The following MOGS variants were observed in gnomAD, a reference collection of about 807,000 sequenced individuals.
MOGS encodes the protein mannosyl-oligosaccharide glucosidase.
Under a neutral mutation model 68.5 loss-of-function variants are expected in MOGS, and 45 were observed. The observed-to-expected ratio is 0.66, with a 90% CI of 0.52 to 0.84. The LOEUF (loss-of-function observed/expected upper bound fraction) is 0.84, where lower values mean the gene tolerates loss of function less well. Among genes scored for constraint, MOGS ranks in the 40% least tolerant of loss-of-function variants. MOGS has a pLI of 0.00. For missense variants in MOGS, 1,020 were observed against 1,095.0 expected (o/e 0.93, Z 0.97); for synonymous variants, 492 against 461.2 (o/e 1.07, Z -0.86).
chr2:74,461,519 T>G lies in MOGS; in HGVS notation c.2270A>C (p.Asn757Thr). The G allele has an allele frequency of 6.2e-7, 1 of 1,614,024 alleles. No homozygotes were observed. Among genetic ancestry groups the G allele is most frequent in the Non-Finnish European group, 8.5e-7 (1 of 1,179,946 alleles). ...TGCTCCCAAAGCCAGGTAGTTGACA[T>G]TGAGCCACACAGCACCCCGCCAGTA... is the stretch of plus-strand genomic sequence containing the variant. The part of the protein sequence containing the change: ...PPYWRGAVWL[N>T]VNYLALGALH... The change falls in exon 4 of 4, where the codon AAT becomes ACT. Residue 757 changes from asparagine (N) to threonine (T), a missense_variant. By Grantham distance (65) the Asn-to-Thr change is moderately conservative. Around this residue, in one of 3 missense-constraint regions of MOGS, gnomAD observed 270 missense variants for 261.3 expected, o/e 1.03. Coordinates refer to ENST00000448666, the MANE Select transcript of MOGS (RefSeq NM_006302.3).
chr2:74,464,710 G>A lies in MOGS; in HGVS notation c.365C>T (p.Ala122Val), dbSNP rs776749988. ...PKPLLTGLMW[A>V]QQGTTPGTPK... ...AGTCCCCGGGGTGGTGCCCTGCTGCGCCCACATCAGTCCTGGGGGTAGAAT... is the reference window on the plus strand; with the variant it reads ...AGTCCCCGGGGTGGTGCCCTGCTGCACCCACATCAGTCCTGGGGGTAGAAT... The change falls in exon 2 of 4, where the codon GCG (alanine) becomes GTG (valine). Residue 122 changes from alanine to valine, a missense_variant. Ala to Val is a moderately conservative substitution (Grantham distance 64). Around this residue, in one of 3 missense-constraint regions of MOGS, gnomAD observed 569 missense variants for 571.9 expected, o/e 0.99. Transcript: ENST00000448666. The A allele has an allele frequency of 6.2e-7, 1 of 1,612,676 alleles. No homozygotes were observed. Among genetic ancestry groups the A allele is most frequent in the Non-Finnish European group, 8.5e-7 (1 of 1,179,182 alleles).
chr2:74,465,334 G>T lies in MOGS; in HGVS notation c.-87C>A. 5 of 952,118 alleles carry T rather than the reference G, an allele frequency of 5.3e-6. No homozygotes were observed. Among genetic ancestry groups the T allele is most frequent in the Non-Finnish European group, 7.0e-6 (5 of 709,826 alleles). The allele number at this position is 952,118 out of a possible 1,614,324, so 59.0% of individuals were successfully genotyped here. ...CTCACCTCTCCGGCTCCCGCCTCTC[G>T]CCCTGGCGACCACCGTCCGGTTAGC... On this transcript the variant is annotated 5_prime_UTR_variant, in exon 1 of 4. Coordinates refer to ENST00000448666, the MANE Select transcript of MOGS (RefSeq NM_006302.3).
intron 2 of MOGS, 200 bp from the exon 3 acceptor site, chr2:74,463,586 G>T (rs1275462240): frequency 1.6e-6 from 1 of 609,338 alleles, no homozygotes; most frequent in Non-Finnish European, 2.9e-6. Flanking sequence ...TGCACTGGGT[G>T]CCCTGGGAGA....
Position 74,461,546 on chromosome 2 carries a change from G to T in MOGS, c.2243C>A (p.Pro748His), listed in dbSNP as rs369937053. 1.7e-5 allele frequency: 27 copies of T among 1,614,032 alleles called. No individual in the cohort carries two copies. The highest frequency in any genetic ancestry group is 2.2e-5 in the Non-Finnish European group (26 of 1,179,930). Residue 748 changes from proline to histidine, a missense_variant, in exon 4 of 4, where the codon CCC becomes CAC. Transcript: ENST00000448666. Reference protein sequence around the residue: ...YGQRNSEHDPPYWRGAVWLNV... With the variant: ...YGQRNSEHDPHYWRGAVWLNV... ...GAGCCACACAGCACCCCGCCAGTAG[G>T]GGGGATCATGCTCTGAATTGCGCTG... is the stretch of plus-strand genomic sequence containing the variant.
chr2:74,463,403 G>A lies in MOGS; in HGVS notation c.580-17C>T. On this transcript the variant is annotated splice_polypyrimidine_tract_variant and intron_variant, in intron 2 of 3. Transcript: ENST00000448666. ...ACCTGAGTCCTGAGTGACCAACGAG[G>A]ACAGAAAAGAACAGTGTTAGATTGG... 1 of 1,611,114 alleles carries A rather than the reference G, an allele frequency of 6.2e-7. No individual in the cohort carries two copies. The highest frequency in any genetic ancestry group is 2.2e-5 in the East Asian group (1 of 44,868).
chr2:74,464,801 TCTC>T (rs1572922137), intron 1 of MOGS, 79 bp from the exon 2 acceptor site: 1 of 1,556,190 alleles, frequency 6.4e-7, no homozygotes, highest in East Asian at 2.3e-5. Context: ...TCTTCATAAC[TCTC>T]CTGATCCATT....
rs377226071 is a variant in MOGS at position 74,461,623 on chromosome 2, G to C, written c.2166C>G (p.Leu722=). The change falls in exon 4 of 4, where the codon CTC becomes CTG. Residue 722 remains leucine, a synonymous_variant. Coordinates refer to ENST00000448666, the MANE Select transcript of MOGS (RefSeq NM_006302.3). Reference sequence around the variant, plus strand: ...GGGAGCGTAAACCAAAGGGGCTCCAGAGATGGCGGCTGTCGGCTAGAATGT... The same window carrying C: ...GGGAGCGTAAACCAAAGGGGCTCCACAGATGGCGGCTGTCGGCTAGAATGT... ...LLDILADSRH[L]WSPFGLRSLA... is the part of the protein sequence containing the mutation. 28 of 1,613,990 alleles carry C rather than the reference G, an allele frequency of 1.7e-5. No individual in the cohort carries two copies. Among genetic ancestry groups the C allele is most frequent in the Non-Finnish European group, 2.2e-5 (26 of 1,179,988 alleles).
Position 74,465,170 on chromosome 2 carries a change from G to T in MOGS, c.78C>A (p.Gly26=). The part of the protein sequence containing the change: ...VRTAERAARG[G]PGRRDGRGGG... ...CGCCCCGGCCGTCCCGTCGCCCGGGGCCTCCCCGAGCCGCCCTCTCGGCTG... is the reference window on the plus strand; with the variant it reads ...CGCCCCGGCCGTCCCGTCGCCCGGGTCCTCCCCGAGCCGCCCTCTCGGCTG... The change falls in exon 1 of 4, where the codon GGC becomes GGA. Residue 26 remains glycine (G), a synonymous_variant. Coordinates refer to ENST00000448666, the MANE Select transcript of MOGS (RefSeq NM_006302.3). 1 of 1,530,214 alleles carries T rather than the reference G, an allele frequency of 6.5e-7. No homozygotes were observed. The highest frequency in any genetic ancestry group is 8.7e-7 in the Non-Finnish European group (1 of 1,145,478). 94.8% of individuals were successfully genotyped at this position (1,530,214 alleles called of 1,614,324 possible). A position where few individuals can be genotyped will look rare whatever the true frequency, so the allele number is the denominator to read the frequency against.
In MOGS at chr2:74,465,232, G is replaced by C; in HGVS notation, c.16C>G (p.Arg6Gly). The C allele has an allele frequency of 6.9e-7, 1 of 1,444,420 alleles. No homozygotes were observed. The highest frequency in any genetic ancestry group is 9.0e-7 in the Non-Finnish European group (1 of 1,114,760). 89.5% of individuals were successfully genotyped at this position (1,444,420 alleles called of 1,614,324 possible). The change falls in exon 1 of 4, where the codon CGG becomes GGG. Residue 6 changes from arginine (R) to glycine (G), a missense_variant. Physicochemically the swap from Arg to Gly is moderately radical, Grantham distance 125 (BLOSUM62 -2). This residue lies in a region of MOGS where 569 missense variants were observed against 571.9 expected (regional missense o/e 0.99). Coordinates refer to ENST00000448666, the MANE Select transcript of MOGS (RefSeq NM_006302.3). ...TCTGCCGGCACTGCGCGGCGCCGCC[G>C]CTCGCCCCGAGCCATCCTGGCACTG... Reference protein sequence around the residue: MARGERRRRAVPAEGV... With the variant: MARGEGRRRAVPAEGV...
chr2:74,463,362 A>C lies in MOGS; in HGVS notation c.604T>G (p.Leu202Val). 1 of 1,614,184 alleles carries C rather than the reference A, an allele frequency of 6.2e-7. No individual in the cohort carries two copies. The highest frequency in any genetic ancestry group is 1.1e-5 in the South Asian group (1 of 91,082). Residue 202 changes from leucine (L) to valine (V), a missense_variant, in exon 3 of 4, where the codon TTG becomes GTG. Coordinates refer to ENST00000448666, the MANE Select transcript of MOGS (RefSeq NM_006302.3). ...PQDSGTSALP[L>V]VSLFFYVVTD... Reference sequence around the variant, plus strand: ...ACCACATAGAAGAACAGGGAGACCAAAGGGAGGGCAGAAGTACCTGAGTCC... The same window carrying C: ...ACCACATAGAAGAACAGGGAGACCACAGGGAGGGCAGAAGTACCTGAGTCC...
In MOGS at chr2:74,461,905, G is replaced by A. The variant is rs1215815326; in HGVS notation, c.1884C>T (p.Gly628=). The change falls in exon 4 of 4, where the codon GGC becomes GGT. Residue 628 remains glycine, a synonymous_variant. Transcript: ENST00000448666. ...LGEAEVAAEL[G]PLAASLEAAE... ...CTGCCTCCAGTGAGGCAGCCAGTGG[G>A]CCCAGCTCAGCAGCTACCTCAGCCT... 1 of 1,613,938 alleles carries A rather than the reference G, an allele frequency of 6.2e-7. No individual in the cohort carries two copies. Among genetic ancestry groups the A allele is most frequent in the Non-Finnish European group, 8.5e-7 (1 of 1,180,034 alleles).
In MOGS at chr2:74,461,118, C is replaced by T; in HGVS notation, c.*157G>A. 2 of 812,380 alleles carry T rather than the reference C, an allele frequency of 2.5e-6. No individual in the cohort carries two copies. The highest frequency in any genetic ancestry group is 4.0e-6 in the Non-Finnish European group (2 of 495,954). 50.3% of individuals were successfully genotyped at this position (812,380 alleles called of 1,614,324 possible). A position where few individuals can be genotyped will look rare whatever the true frequency, so the allele number is the denominator to read the frequency against. On this transcript the variant is annotated 3_prime_UTR_variant, in exon 4 of 4. Transcript: ENST00000448666. The stretch of plus-strand genomic sequence containing the variant: ...AATAGACTCTGGATTCACATTCACC[C>T]CAGGGCTATGTGGGATGACAGCAAG...
Position 74,462,065 on chromosome 2 carries a change from G to T in MOGS, c.1724C>A (p.Pro575His). ...ATCCAGCCCAGAGGGTAGGGTCTTG[G>T]GGTTCAGTAAGGTTGGTAAGGCAGG... is the stretch of plus-strand genomic sequence containing the variant. ...RDPALPTLLN[P>H]KTLPSGLDDY... The change falls in exon 4 of 4, where the codon CCC becomes CAC. Residue 575 changes from proline to histidine, a missense_variant. Coordinates refer to ENST00000448666, the MANE Select transcript of MOGS (RefSeq NM_006302.3). 4 of 1,614,194 alleles carry T rather than the reference G, an allele frequency of 2.5e-6. No homozygotes were observed. The highest frequency in any genetic ancestry group is 3.4e-6 in the Non-Finnish European group (4 of 1,180,010).
At chr2:74,463,532 T>C (rs1671987781) in intron 2 of MOGS, 146 bp from the exon 3 acceptor site, 1 of 841,614 alleles carries the variant, frequency 1.2e-6, no homozygotes, top group African/African-American at 1.7e-5. Flanking sequence ...TGAGGGTCAC[T>C]GAGGGTAACC....
At position 74,462,695 on chromosome 2, in the gene MOGS, G is replaced by C; in HGVS notation, c.1094C>G (p.Ala365Gly). 6.2e-7 allele frequency: 1 copy of C among 1,614,242 alleles called. No homozygotes were observed. Among genetic ancestry groups the C allele is most frequent in the Non-Finnish European group, 8.5e-7 (1 of 1,180,048 alleles). Residue 365 changes from alanine to glycine, a missense_variant, in exon 4 of 4, where the codon GCT becomes GGT. Physicochemically the swap from Ala to Gly is moderately conservative, Grantham distance 60. Transcript: ENST00000448666. Reference protein sequence around the residue: ...SLLTQALESHAEGFRERFEKT... With the variant: ...SLLTQALESHGEGFRERFEKT... ...CTCAAAGCGCTCTCTAAAGCCTTCA[G>C]CATGGCTCTCCAGGGCCTGGGTCAG... is the stretch of plus-strand genomic sequence containing the variant.
rs1357439826 is a variant in MOGS, at chr2:74,461,902, T to C, written c.1887A>G (p.Pro629=). Reference sequence around the variant, plus strand: ...CTGCTGCCTCCAGTGAGGCAGCCAGTGGGCCCAGCTCAGCAGCTACCTCAG... The same window carrying C: ...CTGCTGCCTCCAGTGAGGCAGCCAGCGGGCCCAGCTCAGCAGCTACCTCAG... ...GEAEVAAELG[P]LAASLEAAES... is the part of the protein sequence containing the mutation. Residue 629 remains proline (P), a synonymous_variant, in exon 4 of 4, where the codon CCA becomes CCG. Transcript: ENST00000448666. The C allele has an allele frequency of 6.2e-7, 1 of 1,614,064 alleles. No homozygotes were observed. Among genetic ancestry groups the C allele is most frequent in the Non-Finnish European group, 8.5e-7 (1 of 1,180,014 alleles).
chr2:74,463,125 T>G, intron 3 of MOGS, 65 bp downstream of exon 3: 1 of 1,610,662 alleles, frequency 6.2e-7, no homozygotes. Flanking sequence ...GCAGGGGACA[T>G]GGAGACTGGT....
chr2:74,463,300 C>T lies in MOGS; in HGVS notation c.666G>A (p.Gly222=). ...DGKEVLLPEV[G]AKGQLKFISG... Reference sequence around the variant, plus strand: ...TGATAAACTTCAACTGCCCCTTGGCCCCAACCTCTGGTAGTAGGACTTCCT... The same window carrying T: ...TGATAAACTTCAACTGCCCCTTGGCTCCAACCTCTGGTAGTAGGACTTCCT... Residue 222 remains glycine, a synonymous_variant, in exon 3 of 4, where the codon GGG becomes GGA. Coordinates refer to ENST00000448666, the MANE Select transcript of MOGS (RefSeq NM_006302.3). The T allele has an allele frequency of 5.0e-6, 8 of 1,614,154 alleles. No individual in the cohort carries two copies. Among genetic ancestry groups the T allele is most frequent in the Non-Finnish European group, 6.8e-6 (8 of 1,180,040 alleles).
chr2:74,465,128 C>T lies in MOGS; in HGVS notation c.120G>A (p.Thr40=). The stretch of plus-strand genomic sequence containing the variant: ...CGACGGCCAGAGCCACTCCTCCAGC[C>T]GTGCTACGCGGCCCGCCGCCCCGGC... ...RDGRGGGPRS[T]AGGVALAVVV... is the part of the protein sequence containing the mutation. The change falls in exon 1 of 4, where the codon ACG becomes ACA. Residue 40 remains threonine, a synonymous_variant. Coordinates refer to ENST00000448666, the MANE Select transcript of MOGS (RefSeq NM_006302.3). The T allele has an allele frequency of 6.5e-7, 1 of 1,535,846 alleles. No individual in the cohort carries two copies.
Sources: gnomAD v4.1 joint callset for allele counts on GRCh38, gnomAD v4.1.1 for gene constraint, gnomAD v4.1.1 regional missense constraint, MANE v1.5 for transcripts, NCBI Gene and HGNC (gene_info 2026-07-23, HGNC 2026-07-21) for gene names.